The following MAGI2 variants were observed in gnomAD, a reference collection of about 807,000 sequenced individuals.
MAGI2 encodes membrane-associated guanylate kinase, WW and PDZ domain-containing protein 2.
Under a neutral mutation model 133.3 loss-of-function variants are expected in MAGI2, and 35 were observed. The observed-to-expected ratio is 0.26, with a 90% confidence interval of 0.20 to 0.35. MAGI2 has a LOEUF of 0.35. Among genes scored for constraint, MAGI2 ranks in the 10% least tolerant of loss-of-function variants. MAGI2 has a pLI of 1.00. For synonymous variants in MAGI2, 729 were observed against 710.6 expected (o/e 1.03, Z -0.41); for missense variants, 1,636 against 1,863.4 (o/e 0.88, Z 2.25).
At chr7:78,763,313 T>G (rs1824698991) in intron 2 of MAGI2, among the ~76,000 whole-genome samples, 1 of 152,212 alleles carries the variant, frequency 6.6e-6, no homozygotes, top group Non-Finnish European at 1.5e-5. Context: ...AAGGCTTGCA[T>G]GCACAATGAG....
chr7:78,641,315 G>A (rs1810282933), intron 2 of MAGI2, among the ~76,000 whole-genome samples: 1 of 152,056 alleles, frequency 6.6e-6, no homozygotes, highest in Admixed American at 6.5e-5. Flanking sequence ...CTATTCCTTT[G>A]GATTAGAGTT....
At chr7:78,025,792 C>G (rs1044461380) in intron 21 of MAGI2, among the ~76,000 whole-genome samples, 1 of 152,172 alleles carries the variant, frequency 6.6e-6, no homozygotes, top group South Asian at 2.1e-4. Context: ...TTCCCGCTTT[C>G]ATCGGAGGCC....
chr7:78,345,816 C>G, intron 8 of MAGI2, 106 bp downstream of exon 8: 1 of 1,492,656 alleles, frequency 6.7e-7, no homozygotes, highest in Non-Finnish European at 9.1e-7. Context: ...CTGGAGAAAG[C>G]AAATCAATTT....
intron 2 of MAGI2, among the ~76,000 whole-genome samples, chr7:78,882,644 C>T (rs1282452657): frequency 6.6e-6 from 1 of 151,922 alleles, no homozygotes; most frequent in Non-Finnish European, 1.5e-5. Flanking sequence ...ATGTGCACAT[C>T]AAAAGTTAAT....
chr7:79,090,566 C>T (rs181914954), intron 1 of MAGI2, among the ~76,000 whole-genome samples: 1 of 152,004 alleles, frequency 6.6e-6, no homozygotes, highest in Non-Finnish European at 1.5e-5. Flanking sequence ...AATCTGAATT[C>T]GTAGCTCATG....
intron 1 of MAGI2, among the ~76,000 whole-genome samples, chr7:79,126,655 C>G (rs1157713501): frequency 6.6e-6 from 1 of 151,886 alleles, no homozygotes; most frequent in East Asian, 1.9e-4. Context: ...TTCATAGGTG[C>G]CTGAAAGAGT....
intron 3 of MAGI2, among the ~76,000 whole-genome samples, chr7:78,556,335 C>T (rs1180009258): frequency 6.6e-6 from 1 of 152,158 alleles, no homozygotes; most frequent in Non-Finnish European, 1.5e-5. Flanking sequence ...ACAAACTTGT[C>T]CCAATAGTCA....
intron 6 of MAGI2, among the ~76,000 whole-genome samples, chr7:78,474,661 G>C (rs756637022): frequency 6.6e-6 from 1 of 151,810 alleles, no homozygotes; most frequent in Non-Finnish European, 1.5e-5. Flanking sequence ...ATGGCAAATA[G>C]ACAAATAAGA....
At chr7:79,450,009 A>G (rs2129206734) in intron 1 of MAGI2, among the ~76,000 whole-genome samples, 1 of 151,480 alleles carries the variant, frequency 6.6e-6, no homozygotes, top group South Asian at 2.1e-4. Flanking sequence ...AAATAAAATT[A>G]AGTAAATAAT....
intron 9 of MAGI2, among the ~76,000 whole-genome samples, chr7:78,268,942 C>A (rs798330): frequency 0.3 from 45,481 of 151,932 alleles, 8,260 homozygotes; most frequent in African/African-American, 0.5. Flanking sequence ...ACCAGCCCCC[C>A]ACCCACTGAC....
At chr7:78,355,584 C>A (rs537179059) in intron 7 of MAGI2, among the ~76,000 whole-genome samples, 1 of 152,180 alleles carries the variant, frequency 6.6e-6, no homozygotes, top group Non-Finnish European at 1.5e-5. Context: ...TTACATTAAG[C>A]GGCAGATGCA....
chr7:78,795,120 T>C (rs931741873), intron 2 of MAGI2, among the ~76,000 whole-genome samples: 1 of 152,094 alleles, frequency 6.6e-6, no homozygotes, highest in Non-Finnish European at 1.5e-5. Context: ...AAGGGAGATT[T>C]CAAATTATTA....
intron 1 of MAGI2, among the ~76,000 whole-genome samples, chr7:79,361,439 TG>T (rs1406393880): frequency 2.0e-5 from 3 of 152,184 alleles, no homozygotes; most frequent in African/African-American, 7.2e-5. Flanking sequence ...CAGGCACTTC[TG>T]CCTTCATGCC....
At chr7:78,047,718 GCT>G (rs1811572895) in intron 21 of MAGI2, among the ~76,000 whole-genome samples, 2 of 152,150 alleles carry the variant, frequency 1.3e-5, no homozygotes, top group African/African-American at 4.8e-5. Context: ...CTGACTGCCC[GCT>G]CTGTCTTGCC....
intron 1 of MAGI2, among the ~76,000 whole-genome samples, chr7:79,394,265 A>G (rs1844882690): frequency 6.6e-6 from 1 of 152,174 alleles, no homozygotes; most frequent in Admixed American, 6.6e-5. Flanking sequence ...CCCTATGCTT[A>G]GAGCCCATGA....
At chr7:78,782,775 T>G (rs1826499856) in intron 2 of MAGI2, among the ~76,000 whole-genome samples, 1 of 152,084 alleles carries the variant, frequency 6.6e-6, no homozygotes, top group South Asian at 2.1e-4. Context: ...GCCGAACAGC[T>G]TTTTTGTAAA....
chr7:79,135,991 GAA>G (rs1375575566), intron 1 of MAGI2, among the ~76,000 whole-genome samples: 101 of 36,116 alleles, frequency 2.8e-3, no homozygotes, highest in South Asian at 0.013. Flanking sequence ...AAGAAAGAAA[GAA>G]AGAAAGAAAG....
chr7:78,522,572 G>T (rs1554454755), intron 3 of MAGI2, among the ~76,000 whole-genome samples: 1 of 152,176 alleles, frequency 6.6e-6, no homozygotes, highest in East Asian at 1.9e-4. Context: ...TAGAGATAGG[G>T]TTTTGCCATG....
intron 1 of MAGI2, among the ~76,000 whole-genome samples, chr7:79,169,014 A>G (rs1825261394): frequency 6.7e-6 from 1 of 150,268 alleles, no homozygotes; most frequent in African/African-American, 2.5e-5. Flanking sequence ...ATTAGCGGCC[A>G]TTGTTGAGCC....
Sources: allele counts gnomAD v4.1 joint callset (sites outside exome capture counted in the v4.1 genomes callset), GRCh38; gene constraint gnomAD v4.1.1; transcripts MANE v1.5; gene names NCBI Gene and HGNC (gene_info 2026-07-23, HGNC 2026-07-21).